FAM53A: variants seen among roughly 807,000 people sequenced by gnomAD.
FAM53A encodes the protein protein FAM53A.
Under a neutral mutation model 26.6 loss-of-function variants are expected in FAM53A, and 28 were observed. The ratio of observed to expected loss-of-function variants is 1.05; its 90% confidence interval spans 0.78 to 1.45. The LOEUF is 1.45. Ranked by LOEUF, FAM53A falls within the 40% of genes most tolerant of loss-of-function variation. The probability of loss-of-function intolerance (pLI) is 0.00; values close to 1 mark genes in which losing one functional copy is unlikely to be tolerated. For synonymous variants in FAM53A, 290 were observed against 253.1 expected (o/e 1.15, Z -1.38); for missense variants, 650 against 575.8 (o/e 1.13, Z -1.32).
chr4:1,673,237 C>T (rs2109028308), intron 1 of FAM53A, among the ~76,000 whole-genome samples: 1 of 152,296 alleles, frequency 6.6e-6, no homozygotes, highest in Non-Finnish European at 1.5e-5. Context: ...GACCCTGGGT[C>T]AGAAAAACGG....
chr4:1,599,786 C>T, the FAM53A span, among the ~76,000 whole-genome samples: 1 of 152,312 alleles, frequency 6.6e-6, no homozygotes, highest in South Asian at 2.1e-4. The surrounding 1 kb of genome is among the most constrained non-coding windows in gnomAD (Gnocchi z 6.1). Context: ...CATACTCACC[C>T]CAGACACCTG....
At chr4:1,623,588 G>A (rs1477973068) in intron 1 of FAM53A, among the ~76,000 whole-genome samples, 3 of 152,314 alleles carry the variant, frequency 2.0e-5, no homozygotes, top group Middle Eastern at 3.4e-3. Flanking sequence ...GCGGCTGCAC[G>A]GTGACCTTGC....
At chr4:1,656,931 C>A (rs1713429923) in intron 3 of FAM53A, among the ~76,000 whole-genome samples, 1 of 152,158 alleles carries the variant, frequency 6.6e-6, no homozygotes, top group South Asian at 2.1e-4. Context: ...CAGCCAGCCT[C>A]CATACTCGGG....
intron 1 of FAM53A, among the ~76,000 whole-genome samples, chr4:1,678,129 T>C (rs1715166479): frequency 6.6e-6 from 1 of 152,168 alleles, no homozygotes; most frequent in Non-Finnish European, 1.5e-5. Context: ...CCCTGTACTG[T>C]GGAAGGCTTG....
At chr4:1,592,526 G>C in the FAM53A span, among the ~76,000 whole-genome samples, 1 of 152,178 alleles carries the variant, frequency 6.6e-6, no homozygotes, top group Non-Finnish European at 1.5e-5. Flanking sequence ...ACAGGGGCAG[G>C]AGAGGGGCCC....
intron 4 of FAM53A, among the ~76,000 whole-genome samples, chr4:1,651,023 C>A (rs1712733409): frequency 6.8e-6 from 1 of 147,016 alleles, no homozygotes; most frequent in Non-Finnish European, 1.5e-5. Context: ...TCGAGACCAG[C>A]CTGGCCAACG....
At chr4:1,683,867 G>C (rs919330039) in intron 1 of FAM53A, 1 of 152,256 alleles carries the variant, frequency 6.6e-6, no homozygotes, top group Non-Finnish European at 1.5e-5. Context: ...AGCGGCTTCG[G>C]AATCCGCCGC....
At chr4:1,681,282 G>C (rs1266976549) in intron 1 of FAM53A, among the ~76,000 whole-genome samples, 1 of 151,880 alleles carries the variant, frequency 6.6e-6, no homozygotes, top group Admixed American at 6.6e-5. Context: ...TTTTTTAGTA[G>C]AGACGGGGTT....
the FAM53A span, among the ~76,000 whole-genome samples, chr4:1,587,099 C>A: frequency 2.4e-4 from 36 of 152,186 alleles, no homozygotes; most frequent in Non-Finnish European, 5.0e-4. Context: ...TGTTTTCCTG[C>A]TATTGGGTTG....
chr4:1,638,161 G>A (rs547376100), downstream of FAM53A, among the ~76,000 whole-genome samples: 1 of 151,810 alleles, frequency 6.6e-6, no homozygotes, highest in African/African-American at 2.4e-5. Flanking sequence ...GACCCTGCAG[G>A]GCCAACCAAG....
At chr4:1,650,132 TTGAC>T (rs1304632831) in intron 4 of FAM53A, among the ~76,000 whole-genome samples, 18 of 133,560 alleles carry the variant, frequency 1.3e-4, no homozygotes, top group African/African-American at 4.4e-4. Flanking sequence ...GTCATGGTGT[TTGAC>T]TGTGAGGTGG....
the FAM53A span, among the ~76,000 whole-genome samples, chr4:1,587,441 G>A: frequency 1.3e-5 from 2 of 152,140 alleles, no homozygotes; most frequent in Admixed American, 1.3e-4. Context: ...AAAGGCCGAG[G>A]CAGGCAGATC....
Position 1,668,806 on chromosome 4 carries a change from G to A in FAM53A, c.-65C>T, listed in dbSNP as rs988972445. On this transcript the variant is annotated 5_prime_UTR_variant, in exon 2 of 5. Transcript: ENST00000308132. The stretch of plus-strand genomic sequence containing the variant: ...TGGAGTCCTGGAACATCAGACTTGC[G>A]AAGGCCCCAGCATTGCTGGGTCAGC... 13 of 1,523,284 alleles carry A rather than the reference G, an allele frequency of 8.5e-6. No individual in the cohort carries two copies. Among genetic ancestry groups the A allele is most frequent in the East Asian group, 4.5e-5 (2 of 44,222 alleles). The allele number at this position is 1,523,284 out of a possible 1,614,324, so 94.4% of individuals were successfully genotyped here.
chr4:1,664,920 GT>G (rs1461238806), intron 2 of FAM53A, among the ~76,000 whole-genome samples: 3 of 152,232 alleles, frequency 2.0e-5, no homozygotes, highest in Non-Finnish European at 4.4e-5. Flanking sequence ...GGGGGTTACA[GT>G]GAGCCAGGAT....
intron 1 of FAM53A, among the ~76,000 whole-genome samples, chr4:1,671,548 C>A (rs1404055171): frequency 1.0e-5 from 1 of 97,872 alleles, no homozygotes; most frequent in Non-Finnish European, 2.2e-5. Flanking sequence ...GTCAGAGCCA[C>A]CAGCTCACAG....
At chr4:1,574,408 CA>C in the FAM53A span, 1 of 152,534 alleles carries the variant, frequency 6.6e-6, no homozygotes, top group Non-Finnish European at 1.5e-5. Flanking sequence ...CCCCTCCCAC[CA>C]GGGTCAAAAC....
At chr4:1,673,174 A>G (rs1417793804) in intron 1 of FAM53A, among the ~76,000 whole-genome samples, 1 of 152,188 alleles carries the variant, frequency 6.6e-6, no homozygotes, top group East Asian at 1.9e-4. Flanking sequence ...TGGAGTCAAG[A>G]AAGAGCTCGA....
At chr4:1,654,715 G>A (rs368428109) in intron 4 of FAM53A, among the ~76,000 whole-genome samples, 61 of 152,370 alleles carry the variant, frequency 4.0e-4, no homozygotes, top group African/African-American at 1.4e-3. Context: ...AGGCCTCACT[G>A]CAAGCCTGGC....
intron 1 of FAM53A, among the ~76,000 whole-genome samples, chr4:1,626,996 T>A (rs1203733609): frequency 6.6e-6 from 1 of 152,136 alleles, no homozygotes; most frequent in East Asian, 1.9e-4. Context: ...CAGGACAGAC[T>A]AAGGCTTGGC....
Sources: allele counts gnomAD v4.1 joint callset (sites outside exome capture counted in the v4.1 genomes callset), GRCh38; gene constraint gnomAD v4.1.1; non-coding constraint Gnocchi (gnomAD v3.1); transcripts MANE v1.5; gene names NCBI Gene and HGNC (gene_info 2026-07-23, HGNC 2026-07-21).